Variants in EYS observed in about 807,000 individuals in gnomAD.
EYS encodes the protein EGF-like photoreceptor maintenance factor.
A neutral mutation model predicts 282.1 loss-of-function variants in EYS; 250 were observed. The ratio of observed to expected loss-of-function variants is 0.89; its 90% CI spans 0.80 to 0.98. The LOEUF (loss-of-function observed/expected upper bound fraction) is 0.98, where lower values mean the gene tolerates loss of function less well. Among genes scored for constraint, EYS ranks in the 50% least tolerant of loss-of-function variants. The pLI is 0.00. For synonymous variants in EYS, 1,355 were observed against 1,282.9 expected (o/e 1.06, Z -1.20); for missense variants, 4,016 against 3,709.0 (o/e 1.08, Z -2.15).
intron 5 of EYS, among the ~76,000 whole-genome samples, chr6:65,445,832 G>A (rs1768632105): frequency 6.6e-6 from 1 of 151,644 alleles, no homozygotes. Flanking sequence ...TTAGAAACAA[G>A]TTAATATGTA....
chr6:63,815,766 T>C (rs1354332737), intron 36 of EYS, among the ~76,000 whole-genome samples: 1 of 152,166 alleles, frequency 6.6e-6, no homozygotes, highest in East Asian at 1.9e-4. Flanking sequence ...CCTTAAAGGT[T>C]TCTAAGTGCT....
intron 31 of EYS, among the ~76,000 whole-genome samples, chr6:64,198,086 G>A (rs925105238): frequency 1.3e-5 from 2 of 151,778 alleles, no homozygotes; most frequent in Admixed American, 6.6e-5. Context: ...TCCGCTTCCC[G>A]GGTTCACGCC....
intron 13 of EYS, among the ~76,000 whole-genome samples, chr6:65,024,474 T>C (rs2150140277): frequency 6.6e-6 from 1 of 152,328 alleles, no homozygotes; most frequent in Middle Eastern, 3.4e-3. Context: ...AATCTATGAA[T>C]TCAACCTCAT....
intron 13 of EYS, among the ~76,000 whole-genome samples, chr6:65,030,866 A>G (rs1025159637): frequency 6.6e-6 from 1 of 152,208 alleles, no homozygotes; most frequent in Non-Finnish European, 1.5e-5. Context: ...CAAGGTGGAT[A>G]AAGAAATAAG....
At chr6:64,659,589 C>A (rs1354860017) in intron 22 of EYS, among the ~76,000 whole-genome samples, 15 of 152,086 alleles carry the variant, frequency 9.9e-5, no homozygotes, top group Non-Finnish European at 2.1e-4. Flanking sequence ...AAACTACCAT[C>A]AGAGAATACT....
At chr6:64,799,062 C>CTTACAAACTTGGAAAG (rs1774452647) in intron 22 of EYS, among the ~76,000 whole-genome samples, 1 of 151,882 alleles carries the variant, frequency 6.6e-6, no homozygotes, top group Non-Finnish European at 1.5e-5. Context: ...AACTCCCTCA[C>CTTACAAACTTGGAAAG]TTACAAACTT....
chr6:63,721,770 T>C lies in EYS; in HGVS notation c.8261A>G (p.Asn2754Ser), dbSNP rs776738764. The C allele has an allele frequency of 1.3e-6, 2 of 1,549,186 alleles. No individual in the cohort carries two copies. Among genetic ancestry groups the C allele is most frequent in the African/African-American group, 1.4e-5 (1 of 72,992 alleles). ...SGDFLCISLV[N>S]SSVQLRYNLG... ...GTTGTAGCGAAGTTGAACGGAACTATTTACTAAAGAGATGCATAAAAAATC... is the reference window on the plus strand; with the variant it reads ...GTTGTAGCGAAGTTGAACGGAACTACTTACTAAAGAGATGCATAAAAAATC... The change falls in exon 43 of 43, where the codon AAT becomes AGT. Residue 2754 changes from asparagine (N) to serine (S), a missense_variant. By Grantham distance (46) the Asn-to-Ser change is conservative (BLOSUM62 1). Coordinates refer to ENST00000503581, the MANE Select transcript of EYS (RefSeq NM_001142800.2).
At chr6:64,891,615 A>C (rs540670293) in intron 18 of EYS, among the ~76,000 whole-genome samples, 1 of 152,034 alleles carries the variant, frequency 6.6e-6, no homozygotes, top group Non-Finnish European at 1.5e-5. Context: ...TCCTTTCGCT[A>C]TTACCTGCTG....
chr6:64,668,325 A>C (rs557683366), intron 22 of EYS, among the ~76,000 whole-genome samples: 185 of 152,294 alleles, frequency 1.2e-3, no homozygotes, highest in Non-Finnish European at 1.5e-3. Flanking sequence ...GTTGTTTTAA[A>C]CGTACAGAAA....
intron 29 of EYS, among the ~76,000 whole-genome samples, chr6:64,386,415 TG>T (rs754627462): frequency 2.0e-5 from 3 of 152,140 alleles, no homozygotes; most frequent in Non-Finnish European, 2.9e-5. Flanking sequence ...CAAGAGAGCT[TG>T]TGCAGGGGAG....
intron 31 of EYS, among the ~76,000 whole-genome samples, chr6:64,140,814 T>C (rs1774316789): frequency 6.6e-6 from 1 of 152,144 alleles, no homozygotes; most frequent in South Asian, 2.1e-4. Flanking sequence ...TCCTTTATGG[T>C]TTCTCTACTC....
At chr6:64,263,042 C>T (rs1767639540) in intron 30 of EYS, among the ~76,000 whole-genome samples, 1 of 144,262 alleles carries the variant, frequency 6.9e-6, no homozygotes, top group African/African-American at 2.6e-5. Context: ...GCTTTCATGA[C>T]CTCTCCTTGC....
intron 22 of EYS, among the ~76,000 whole-genome samples, chr6:64,658,400 T>G (rs1435021770): frequency 6.6e-6 from 1 of 152,206 alleles, no homozygotes; most frequent in Non-Finnish European, 1.5e-5. Context: ...GGTGAGGAGC[T>G]GCATTCCTTT....
At chr6:64,329,686 T>C (rs1480325045) in intron 29 of EYS, among the ~76,000 whole-genome samples, 4 of 152,214 alleles carry the variant, frequency 2.6e-5, no homozygotes, top group East Asian at 1.9e-4. Flanking sequence ...ACTAAGCATA[T>C]AGACCAGTTC....
intron 12 of EYS, among the ~76,000 whole-genome samples, chr6:65,142,222 CTAATA>C (rs1254695872): frequency 2.0e-5 from 3 of 151,862 alleles, no homozygotes; most frequent in Non-Finnish European, 2.9e-5. Flanking sequence ...TCAAAACAAT[CTAATA>C]TATTTTATTT....
At chr6:64,174,698 C>A (rs1398186534) in intron 31 of EYS, among the ~76,000 whole-genome samples, 2 of 151,720 alleles carry the variant, frequency 1.3e-5, no homozygotes, top group East Asian at 3.9e-4. Context: ...ATATGTTTTA[C>A]AAATCTTAGT....
intron 12 of EYS, among the ~76,000 whole-genome samples, chr6:65,061,255 A>T (rs1428121344): frequency 6.6e-6 from 1 of 151,974 alleles, no homozygotes; most frequent in Non-Finnish European, 1.5e-5. Flanking sequence ...CACTTATTTG[A>T]CAAATAAATT....
At chr6:63,956,863 G>A (rs976152155) in intron 35 of EYS, among the ~76,000 whole-genome samples, 1 of 151,520 alleles carries the variant, frequency 6.6e-6, no homozygotes, top group Admixed American at 6.6e-5. Flanking sequence ...ATTTTTTTTT[G>A]GCTTTTAGCC....
chr6:63,916,480 T>G (rs1445146817), intron 35 of EYS, among the ~76,000 whole-genome samples: 2 of 152,208 alleles, frequency 1.3e-5, no homozygotes, highest in Non-Finnish European at 2.9e-5. Flanking sequence ...TGTTAAGCAT[T>G]TATTTTCTTG....
Sources: allele counts gnomAD v4.1 joint callset (sites outside exome capture counted in the v4.1 genomes callset), GRCh38; gene constraint gnomAD v4.1.1; transcripts MANE v1.5; gene names NCBI Gene and HGNC (gene_info 2026-07-23, HGNC 2026-07-21).